GRK3: variants seen among roughly 807,000 people sequenced by gnomAD.
GRK3 encodes the protein adrenergic, beta, receptor kinase 2.
GRK3 carries 54 observed loss-of-function variants against 95.7 expected under a neutral mutation model. That is an observed-to-expected ratio of 0.56 (90% CI 0.45 to 0.71). GRK3 has a LOEUF of 0.71. GRK3 is among the 30% of genes least tolerant of loss of function. The pLI is 0.00. For synonymous variants in GRK3, 281 were observed against 290.8 expected (o/e 0.97, Z 0.34); for missense variants, 649 against 851.2 (o/e 0.76, Z 2.96).
intron 2 of GRK3, among the ~76,000 whole-genome samples, chr22:25,612,085 G>A (rs184813142): frequency 1.1e-4 from 16 of 152,050 alleles, no homozygotes; most frequent in Middle Eastern, 3.4e-3. Flanking sequence ...CACCCGCCTC[G>A]GCCTCCCAAA....
At chr22:25,596,755 A>G (rs997272261) in intron 1 of GRK3, among the ~76,000 whole-genome samples, 2 of 152,320 alleles carry the variant, frequency 1.3e-5, no homozygotes, top group East Asian at 1.9e-4. Context: ...GATACTTACC[A>G]TGGCTCAAGT....
intron 1 of GRK3, among the ~76,000 whole-genome samples, chr22:25,600,477 G>A (rs974411214): frequency 2.0e-5 from 3 of 151,996 alleles, no homozygotes; most frequent in African/African-American, 7.3e-5. Context: ...AACCAACTAC[G>A]CCTCAAAATA....
At chr22:25,600,571 A>G (rs1348423246) in intron 1 of GRK3, among the ~76,000 whole-genome samples, 1 of 152,256 alleles carries the variant, frequency 6.6e-6, no homozygotes, top group Non-Finnish European at 1.5e-5. Flanking sequence ...AACTATTTAC[A>G]TAGCATTTAC....
rs1451444873 is a variant in GRK3 at position 25,727,027 on chromosome 22, T to G, written c.*4577T>G. 3 of 151,360 alleles carry G rather than the reference T, an allele frequency of 2.0e-5. No individual in the cohort carries two copies. The East Asian group carries it at 5.9e-4, about 30-fold the overall frequency. 9.4% of individuals were successfully genotyped at this position (151,360 alleles called of 1,614,324 possible). A position where few individuals can be genotyped will look rare whatever the true frequency, so the allele number is the denominator to read the frequency against. ...TGAATGCATTGCCCCATTGGTCAGTTGGGGACACTGTTACAAATCCACTGA... is the reference window on the plus strand; with the variant it reads ...TGAATGCATTGCCCCATTGGTCAGTGGGGGACACTGTTACAAATCCACTGA... On this transcript the variant is annotated 3_prime_UTR_variant, in exon 21 of 21. Coordinates refer to ENST00000324198, the MANE Select transcript of GRK3 (RefSeq NM_005160.4).
chr22:25,665,910 G>T (rs1439788541), intron 5 of GRK3, among the ~76,000 whole-genome samples: 1 of 152,198 alleles, frequency 6.6e-6, no homozygotes, highest in Non-Finnish European at 1.5e-5. Context: ...GCGGGCTTGG[G>T]AGGGGCCCTA....
At chr22:25,714,627 T>C (rs1343665657) in intron 18 of GRK3, 57 bp downstream of exon 18, 4 of 1,473,100 alleles carry the variant, frequency 2.7e-6, no homozygotes, top group Non-Finnish European at 3.6e-6. Context: ...TCAAAATTTC[T>C]TGTAAAGCTG....
chr22:25,665,723 A>G (rs1297434266), intron 5 of GRK3, among the ~76,000 whole-genome samples: 3 of 152,156 alleles, frequency 2.0e-5, no homozygotes, highest in Non-Finnish European at 4.4e-5. Context: ...TGACTAAAGT[A>G]TAAGTAAAAG....
At chr22:25,690,951 A>G (rs902107640) in intron 12 of GRK3, among the ~76,000 whole-genome samples, 1 of 152,170 alleles carries the variant, frequency 6.6e-6, no homozygotes, top group African/African-American at 2.4e-5. Flanking sequence ...CCAGCACCTG[A>G]CACCTCGGGG....
chr22:25,598,775 A>G (rs553647387), intron 1 of GRK3, among the ~76,000 whole-genome samples: 1 of 152,072 alleles, frequency 6.6e-6, no homozygotes, highest in East Asian at 1.9e-4. Flanking sequence ...CACAATTTTG[A>G]AAACAGAACA....
intron 2 of GRK3, among the ~76,000 whole-genome samples, chr22:25,630,022 A>G (rs369570548): frequency 1.1e-4 from 17 of 152,318 alleles, no homozygotes; most frequent in African/African-American, 3.8e-4. Context: ...GTATCATGCC[A>G]TAAATACTTC....
rs2085480033 is a variant in GRK3, at chr22:25,726,975, G to C, written c.*4525G>C. ...TGTGTGTGCACTTTGCAGCCCCCGA[G>C]GTGGAGAGGCAGTGTCTGGATCACT... On this transcript the variant is annotated 3_prime_UTR_variant, in exon 21 of 21. Transcript: ENST00000324198. 1 of 152,716 alleles carries C rather than the reference G, an allele frequency of 6.5e-6. No individual in the cohort carries two copies. Among genetic ancestry groups the C allele is most frequent in the Admixed American group, 6.7e-5 (1 of 15,034 alleles). 9.5% of individuals were successfully genotyped at this position (152,716 alleles called of 1,614,324 possible). A position where few individuals can be genotyped will look rare whatever the true frequency, so the allele number is the denominator to read the frequency against.
At chr22:25,690,304 A>C (rs778963519) in intron 12 of GRK3, 21 bp downstream of exon 12, 1 of 1,562,204 alleles carries the variant, frequency 6.4e-7, no homozygotes, top group South Asian at 1.1e-5. Context: ...CGTCAACTTC[A>C]GTTCACCACC....
rs931847164 is a variant in GRK3 at position 25,664,519 on chromosome 22, T to C, written c.441+815T>C. Reference sequence around the variant, plus strand: ...AGGGAGGTAAGTTGACTTTGGCATTTTTTTTTTTTTTTTTTTTTTGAGACA... The same window carrying C: ...AGGGAGGTAAGTTGACTTTGGCATTCTTTTTTTTTTTTTTTTTTTGAGACA... On this transcript the variant is annotated intron_variant, in intron 5 of 20. Transcript: ENST00000324198. 2.0e-4 allele frequency among the ~76,000 whole-genome samples: 29 copies of C among 145,028 alleles called. 2 individuals are homozygous for C. The highest frequency in any genetic ancestry group is 1.8e-3 in the South Asian group (8 of 4,454).
intron 17 of GRK3, among the ~76,000 whole-genome samples, chr22:25,711,763 T>C (rs1367122297): frequency 6.6e-6 from 1 of 152,158 alleles, no homozygotes; most frequent in African/African-American, 2.4e-5. Flanking sequence ...CCTACCCCCA[T>C]GCTGGCAGCT....
rs199739867 is a variant in GRK3, at chr22:25,695,063, A to T, written c.1053-44A>T. 2.8e-6 allele frequency: 4 copies of T among 1,441,548 alleles called. No individual in the cohort carries two copies. The East Asian group carries it at 9.2e-5, about 33-fold the overall frequency. The allele number at this position is 1,441,548 out of a possible 1,614,324, so 89.3% of individuals were successfully genotyped here. ...CTTGGGGCGCTGTTAGTGTTTTCTA[A>T]AGTGGGCATGCTCTGATAACTGTGT... On this transcript the variant is annotated intron_variant, in intron 12 of 20. Transcript: ENST00000324198.
Position 25,716,895 on chromosome 22 carries a change from C to T in GRK3, c.1655-1350C>T, listed in dbSNP as rs112498850. The stretch of plus-strand genomic sequence containing the variant: ...CAGATCAGCAGTGGCCTGAGATTCT[C>T]GTAGGATTGCAAACCCTATCATGAA... On this transcript the variant is annotated intron_variant, in intron 18 of 20. Coordinates refer to ENST00000324198, the MANE Select transcript of GRK3 (RefSeq NM_005160.4). Among the ~76,000 whole-genome samples the T allele has an allele frequency of 5.9e-3, 904 of 152,314 alleles. 7 individuals carry two copies. The highest frequency in any genetic ancestry group is 0.021 in the African/African-American group (867 of 41,568).
At chr22:25,572,541 C>T (rs1931740887) in intron 1 of GRK3, among the ~76,000 whole-genome samples, 1 of 152,270 alleles carries the variant, frequency 6.6e-6, no homozygotes, top group Middle Eastern at 3.4e-3. Flanking sequence ...AATGATCGCC[C>T]TTCTAACTGG....
At chr22:25,663,553 ATC>A in intron 4 of GRK3, 75 bp from the exon 5 acceptor site, 3 of 863,004 alleles carry the variant, frequency 3.5e-6, no homozygotes, top group Non-Finnish European at 1.8e-6. Flanking sequence ...TGTTAAATTT[ATC>A]TGTTGTGATA....
At chr22:25,625,935 C>T (rs989435495) in intron 2 of GRK3, among the ~76,000 whole-genome samples, 2 of 152,208 alleles carry the variant, frequency 1.3e-5, no homozygotes, top group African/African-American at 4.8e-5. Context: ...CTTTACCCTG[C>T]CCTTTTTGCT....
Sources: gnomAD v4.1 joint callset for allele counts (sites outside exome capture counted in the v4.1 genomes callset) on GRCh38, gnomAD v4.1.1 for gene constraint, MANE v1.5 for transcripts, NCBI Gene and HGNC (gene_info 2026-07-23, HGNC 2026-07-21) for gene names.